Variants in THADA observed in about 807,000 individuals in gnomAD.
THADA encodes the protein tRNA (32-2'-O)-methyltransferase regulator THADA.
Under a neutral mutation model 219.8 loss-of-function variants are expected in THADA, and 213 were observed. That is an observed-to-expected ratio of 0.97 (90% confidence interval 0.87 to 1.09). THADA has a LOEUF of 1.09. Among genes scored for constraint, THADA ranks in the 50% least tolerant of loss-of-function variants. The probability of loss-of-function intolerance (pLI) is 0.00; values close to 1 mark genes in which losing one functional copy is unlikely to be tolerated. For synonymous variants in THADA, 1,018 were observed against 828.9 expected (o/e 1.23, Z -3.92); for missense variants, 2,956 against 2,311.3 (o/e 1.28, Z -5.72).
intron 21 of THADA, among the ~76,000 whole-genome samples, chr2:43,532,399 T>G (rs1472741211): frequency 2.7e-5 from 3 of 112,404 alleles, no homozygotes; most frequent in East Asian, 2.3e-4. Flanking sequence ...GTCAACAGAG[T>G]GAGACTCCAC....
intron 36 of THADA, among the ~76,000 whole-genome samples, chr2:43,278,115 TA>T (rs1180733492): frequency 6.6e-6 from 1 of 152,142 alleles, no homozygotes; most frequent in African/African-American, 2.4e-5. Flanking sequence ...CATGCCCAGC[TA>T]ATTTTTCTAT....
intron 7 of THADA, 146 bp from the exon 8 acceptor site, chr2:43,582,074 TA>T: frequency 3.2e-6 from 2 of 622,080 alleles, no homozygotes; most frequent in Non-Finnish European, 5.2e-6. Flanking sequence ...TCCATTCCTA[TA>T]AACATTCCAA....
In THADA at chr2:43,382,889, A is replaced by T. The variant is rs144292548; in HGVS notation, c.4227+15082T>A. 3.2e-3 allele frequency among the ~76,000 whole-genome samples: 489 copies of T among 152,302 alleles called. 4 individuals carry two copies. The highest frequency in any genetic ancestry group is 5.8e-3 in the South Asian group (28 of 4,828). ...TTACAAACTACCACATTACTATACC[A>T]CAAAAATGGCCTCAAAAAATTCTCA... On this transcript the variant is annotated intron_variant, in intron 29 of 37. Coordinates refer to ENST00000405975, the MANE Select transcript of THADA (RefSeq NM_022065.5).
At chr2:43,295,925 T>G (rs1312316890) in intron 31 of THADA, among the ~76,000 whole-genome samples, 1 of 150,278 alleles carries the variant, frequency 6.7e-6, no homozygotes, top group Non-Finnish European at 1.5e-5. Context: ...ACTGTTTTTT[T>G]TTTTTTTTTT....
Position 43,286,947 on chromosome 2 carries a change from T to C in THADA, c.5125A>G (p.Thr1709Ala). 1 of 1,613,846 alleles carries C rather than the reference T, an allele frequency of 6.2e-7. No individual in the cohort carries two copies. Among genetic ancestry groups the C allele is most frequent in the Admixed American group, 1.7e-5 (1 of 59,992 alleles). The change falls in exon 35 of 38, where the codon ACT becomes GCT. Residue 1709 changes from threonine (T) to alanine (A), a missense_variant. Thr to Ala is a moderately conservative substitution (Grantham distance 58). Coordinates refer to ENST00000405975, the MANE Select transcript of THADA (RefSeq NM_022065.5). Reference sequence around the variant, plus strand: ...GGGTTGGTGAGGAAAAGTGGTGTAGTACTGGTGAGGACTTCAACGACGGCC... The same window carrying C: ...GGGTTGGTGAGGAAAAGTGGTGTAGCACTGGTGAGGACTTCAACGACGGCC... ...RLAVVEVLTS[T>A]TPLFLTNPHP...
intron 29 of THADA, among the ~76,000 whole-genome samples, chr2:43,396,375 A>G (rs1423645709): frequency 1.3e-5 from 2 of 152,212 alleles, no homozygotes; most frequent in African/African-American, 2.4e-5. Flanking sequence ...GCCAGCACTT[A>G]GCACACTACA....
chr2:43,577,980 A>C (rs1700032543), intron 9 of THADA, among the ~76,000 whole-genome samples: 1 of 152,176 alleles, frequency 6.6e-6, no homozygotes, highest in Non-Finnish European at 1.5e-5. Context: ...AAAAATGTTT[A>C]TAGTGATTAT....
intron 16 of THADA, among the ~76,000 whole-genome samples, chr2:43,558,627 G>A (rs909428682): frequency 1.3e-5 from 2 of 152,204 alleles, no homozygotes; most frequent in East Asian, 1.9e-4. Flanking sequence ...TGCTTCCTGC[G>A]CTGGAACATC....
rs986865907 is a variant in THADA at position 43,530,485 on chromosome 2, A to G, written c.3265-2497T>C. On this transcript the variant is annotated intron_variant, in intron 21 of 37. Transcript: ENST00000405975. Reference sequence around the variant, plus strand: ...ATAAGGACTAGAAGAACCACCAGTTAGCTTATTTGTAATGACCATCATTTC... The same window carrying G: ...ATAAGGACTAGAAGAACCACCAGTTGGCTTATTTGTAATGACCATCATTTC... Among the ~76,000 whole-genome samples, 11 of 152,376 alleles carry G rather than the reference A, an allele frequency of 7.2e-5. No individual in the cohort carries two copies. The South Asian group carries it at 2.3e-3, about 32-fold the overall frequency.
intron 26 of THADA, among the ~76,000 whole-genome samples, chr2:43,475,630 C>T (rs770542063): frequency 2.6e-5 from 4 of 152,074 alleles, no homozygotes; most frequent in South Asian, 4.1e-4. Context: ...ATAGCATTTT[C>T]GTGGTTAGGA....
intron 28 of THADA, among the ~76,000 whole-genome samples, chr2:43,407,349 G>A (rs1453953558): frequency 6.6e-6 from 1 of 152,126 alleles, no homozygotes; most frequent in East Asian, 1.9e-4. Flanking sequence ...GTTTAGAAAG[G>A]AATGCTTTTA....
chr2:43,413,359 G>A (rs1177008057), intron 28 of THADA, among the ~76,000 whole-genome samples: 1 of 152,066 alleles, frequency 6.6e-6, no homozygotes, highest in East Asian at 1.9e-4. Flanking sequence ...AGGCTAAGAG[G>A]GCTGGCTGAA....
At position 43,510,132 on chromosome 2, in the gene THADA, A is replaced by G. The variant is rs115245105; in HGVS notation, c.3375-1352T>C. On this transcript the variant is annotated intron_variant, in intron 22 of 37. Transcript: ENST00000405975. ...TAGATAACATCAAGAAATTCTTTAT[A>G]AAATGTGCCACTGCACTGTGAACAT... is the stretch of plus-strand genomic sequence containing the variant. 2.6e-3 allele frequency among the ~76,000 whole-genome samples: 396 copies of G among 152,344 alleles called. 3 individuals carry two copies. The highest frequency in any genetic ancestry group is 9.3e-3 in the African/African-American group (388 of 41,582).
intron 28 of THADA, among the ~76,000 whole-genome samples, chr2:43,417,955 G>T (rs977242688): frequency 6.6e-6 from 1 of 152,102 alleles, no homozygotes; most frequent in African/African-American, 2.4e-5. Flanking sequence ...CTAAAATATT[G>T]CCTGGCTTAT....
At chr2:43,494,278 T>C (rs1202198950) in intron 25 of THADA, among the ~76,000 whole-genome samples, 2 of 152,348 alleles carry the variant, frequency 1.3e-5, no homozygotes, top group African/African-American at 2.4e-5. Flanking sequence ...TCAGATTTTC[T>C]GCAAGGTTAA....
At chr2:43,359,266 C>A (rs978959784) in intron 29 of THADA, among the ~76,000 whole-genome samples, 6 of 152,196 alleles carry the variant, frequency 3.9e-5, no homozygotes, top group South Asian at 2.1e-4. Flanking sequence ...AAATCTTGAG[C>A]CCCATTTCCT....
chr2:43,419,492 G>A (rs145256098), intron 28 of THADA, among the ~76,000 whole-genome samples: 304 of 152,308 alleles, frequency 2.0e-3, no homozygotes, highest in African/African-American at 6.9e-3. Context: ...AAAGCTAACC[G>A]AAACACACTA....
At chr2:43,368,933 GC>G (rs1195300413) in intron 29 of THADA, among the ~76,000 whole-genome samples, 1 of 152,074 alleles carries the variant, frequency 6.6e-6, no homozygotes, top group Non-Finnish European at 1.5e-5. Flanking sequence ...CCTAACACTA[GC>G]TTTCAAGCTG....
intron 7 of THADA, among the ~76,000 whole-genome samples, chr2:43,583,953 T>C (rs1419163012): frequency 6.9e-6 from 1 of 145,828 alleles, no homozygotes; most frequent in African/African-American, 2.6e-5. Context: ...GGTGGAAGGA[T>C]CACTTGGGCT....
Sources: allele counts gnomAD v4.1 joint callset (sites outside exome capture counted in the v4.1 genomes callset), GRCh38; gene constraint gnomAD v4.1.1; transcripts MANE v1.5; gene names NCBI Gene and HGNC (gene_info 2026-07-23, HGNC 2026-07-21).